BRAP: variants seen among roughly 807,000 people sequenced by gnomAD.
The protein encoded by BRAP is BRCA1-associated protein.
BRAP carries 42 observed loss-of-function variants against 73.4 expected under a neutral mutation model. The ratio of observed to expected loss-of-function variants is 0.57; its 90% CI spans 0.45 to 0.74. The LOEUF (loss-of-function observed/expected upper bound fraction) is 0.74. Ranked by LOEUF, BRAP falls within the 30% of genes least tolerant of loss-of-function variation. The pLI, the probability that BRAP is intolerant of heterozygous loss-of-function variation, is 0.00. For missense variants in BRAP, 593 were observed against 751.4 expected (o/e 0.79, Z 2.46); for synonymous variants, 255 against 267.4 (o/e 0.95, Z 0.45).
intron 1 of BRAP, 67 bp downstream of exon 1, chr12:111,685,644 T>C: frequency 6.6e-7 from 1 of 1,521,684 alleles, no homozygotes; most frequent in Non-Finnish European, 8.8e-7. Flanking sequence ...GGGCCAGTGC[T>C]TTGGGAAGGG....
intron 7 of BRAP, 29 bp from the exon 8 acceptor site, chr12:111,659,374 TTAAA>T: frequency 6.3e-7 from 1 of 1,595,806 alleles, no homozygotes; most frequent in Non-Finnish European, 8.6e-7. Flanking sequence ...TCTTAATTAG[TTAAA>T]TAAAAATAAA....
intron 3 of BRAP, among the ~76,000 whole-genome samples, chr12:111,680,744 G>C (rs1447951293): frequency 6.6e-6 from 1 of 151,862 alleles, no homozygotes; most frequent in Non-Finnish European, 1.5e-5. Flanking sequence ...AAACAAAATG[G>C]CTACCTGAAT....
chr12:111,652,796 C>T (rs1401645075), intron 10 of BRAP, among the ~76,000 whole-genome samples: 5 of 152,040 alleles, frequency 3.3e-5, no homozygotes, highest in Non-Finnish European at 4.4e-5. Flanking sequence ...CTGCAACTTC[C>T]GCCTCCCTGT....
chr12:111,683,204 C>T lies in BRAP; in HGVS notation c.186G>A (p.Gln62=), dbSNP rs1398741063. The T allele has an allele frequency of 6.2e-7, 1 of 1,614,088 alleles. No homozygotes were observed. The highest frequency in any genetic ancestry group is 8.5e-7 in the Non-Finnish European group (1 of 1,180,056). Residue 62 remains glutamine, a synonymous_variant, in exon 2 of 12, where the codon CAG becomes CAA. Transcript: ENST00000419234. ...SPGEKVAIIH[Q]HLGRREMTDV... is the part of the protein sequence containing the mutation. ...CTGTCATTTCTCGACGGCCGAGATG[C>T]TGATGGATAATCGCTACTTTCTCTC...
intron 5 of BRAP, among the ~76,000 whole-genome samples, chr12:111,670,987 C>A (rs1345349598): frequency 6.6e-6 from 1 of 151,940 alleles, no homozygotes; most frequent in Non-Finnish European, 1.5e-5. Context: ...ATAGTCCTAG[C>A]CACTTGGGAT....
chr12:111,684,221 G>A (rs542190883), intron 1 of BRAP, among the ~76,000 whole-genome samples: 3 of 152,136 alleles, frequency 2.0e-5, no homozygotes, highest in Admixed American at 6.6e-5. Flanking sequence ...CCACAGTGCC[G>A]AGCACACAGA....
At position 111,665,891 on chromosome 12, in the gene BRAP, G is replaced by T; in HGVS notation, c.748-104C>A. The stretch of plus-strand genomic sequence containing the variant: ...GGTCTCGCTCTCTGTCACCCACGCT[G>T]GAGCCCAGTGGCGCAATCATGGCTC... On this transcript the variant is annotated intron_variant, in intron 5 of 11. Transcript: ENST00000419234. The surrounding 1 kb of genome is among the most constrained non-coding windows in gnomAD (Gnocchi z 4.3). 1 of 1,449,316 alleles carries T rather than the reference G, an allele frequency of 6.9e-7. No individual in the cohort carries two copies. 89.8% of individuals were successfully genotyped at this position (1,449,316 alleles called of 1,614,324 possible). A position where few individuals can be genotyped will look rare whatever the true frequency, so the allele number is the denominator to read the frequency against.
At position 111,644,103 on chromosome 12, in the gene BRAP, A is replaced by G; in HGVS notation, c.*96T>C. On this transcript the variant is annotated 3_prime_UTR_variant, in exon 12 of 12. Transcript: ENST00000419234. Reference sequence around the variant, plus strand: ...CAACTGTGGCTTGATCCTCACTTGTACTTATTAGGGCCCACCCTCACATTT... The same window carrying G: ...CAACTGTGGCTTGATCCTCACTTGTGCTTATTAGGGCCCACCCTCACATTT... The G allele has an allele frequency of 6.7e-7, 1 of 1,490,214 alleles. No individual in the cohort carries two copies. The allele number at this position is 1,490,214 out of a possible 1,614,324, so 92.3% of individuals were successfully genotyped here.
At chr12:111,644,615 C>G in intron 11 of BRAP, 53 bp from the exon 12 acceptor site, 1 of 1,580,536 alleles carries the variant, frequency 6.3e-7, no homozygotes, top group East Asian at 2.2e-5. Flanking sequence ...CTGACACAGT[C>G]CCCTTTCTGC....
intron 5 of BRAP, among the ~76,000 whole-genome samples, chr12:111,667,806 AT>A (rs1374252550): frequency 2.0e-5 from 3 of 151,820 alleles, no homozygotes; most frequent in Admixed American, 2.0e-4. Context: ...TTCCAAAAAA[AT>A]GTTTGAAGAT....
At chr12:111,666,998 T>G (rs528736802) in intron 5 of BRAP, among the ~76,000 whole-genome samples, 9 of 152,324 alleles carry the variant, frequency 5.9e-5, no homozygotes, top group African/African-American at 2.2e-4. Context: ...TCTCCCAGCT[T>G]GACCTTAGGT....
chr12:111,645,570 G>A (rs1886080396), intron 11 of BRAP, among the ~76,000 whole-genome samples: 1 of 152,110 alleles, frequency 6.6e-6, no homozygotes, highest in South Asian at 2.1e-4. Context: ...TGACTTCATT[G>A]CATTTGCTGA....
Position 111,667,698 on chromosome 12 carries a change from C to CAAAAAAAAAAAAAAAAAAAAAAA in BRAP, c.748-1934_748-1912dup, listed in dbSNP as rs565349424. ...TGGGAGACAGAGTGAAACTCCGTCT[C>CAAAAAAAAAAAAAAAAAAAAAAA]AAAAAAAAAAAAAAAAAAAAAAAGC... On this transcript the variant is annotated intron_variant, in intron 5 of 11. Coordinates refer to ENST00000419234, the MANE Select transcript of BRAP (RefSeq NM_006768.5). Among the ~76,000 whole-genome samples the CAAAAAAAAAAAAAAAAAAAAAAA allele has an allele frequency of 1.8e-3, 39 of 21,272 alleles. 3 individuals carry two copies. Among genetic ancestry groups the CAAAAAAAAAAAAAAAAAAAAAAA allele is most frequent in the African/African-American group, 3.9e-3 (20 of 5,180 alleles). The allele number at this position is 21,272 out of a possible 152,430, so 14.0% of individuals were successfully genotyped here.
At chr12:111,652,696 G>T (rs1226953811) in intron 10 of BRAP, among the ~76,000 whole-genome samples, 5 of 152,076 alleles carry the variant, frequency 3.3e-5, no homozygotes, top group Non-Finnish European at 7.4e-5. Flanking sequence ...GGGCAACATA[G>T]TAAGATTCCC....
intron 5 of BRAP, among the ~76,000 whole-genome samples, chr12:111,666,955 T>C (rs142500729): frequency 7.2e-5 from 11 of 152,310 alleles, no homozygotes; most frequent in Non-Finnish European, 1.5e-4. Context: ...TTTATCGGTA[T>C]TTTAGTAAAG....
In BRAP at chr12:111,685,948, CACA is replaced by C. The variant is rs1473367493; in HGVS notation, c.-159_-157del. The C allele has an allele frequency of 4.8e-6, 2 of 420,550 alleles. No individual in the cohort carries two copies. The highest frequency in any genetic ancestry group is 8.2e-6 in the Non-Finnish European group (2 of 245,206). The allele number at this position is 420,550 out of a possible 1,614,324, so 26.1% of individuals were successfully genotyped here. Reference sequence around the variant, plus strand: ...CAGCTCCTCGAACAGCCCTCGGAGCCACAACAACCTCCACTTCCGCCTCCCGGC... The same window carrying C: ...CAGCTCCTCGAACAGCCCTCGGAGCCACAACCTCCACTTCCGCCTCCCGGC... On this transcript the variant is annotated 5_prime_UTR_variant, in exon 1 of 12. Transcript: ENST00000419234.
chr12:111,650,977 T>C (rs1282670350), intron 10 of BRAP, among the ~76,000 whole-genome samples: 1 of 152,076 alleles, frequency 6.6e-6, no homozygotes, highest in Non-Finnish European at 1.5e-5. Context: ...TCTGGCTAGG[T>C]AGATACTGGA....
At position 111,681,780 on chromosome 12, in the gene BRAP, C is replaced by A; in HGVS notation, c.300G>T (p.Ala100=). The change falls in exon 3 of 12, where the codon GCG becomes GCT. Residue 100 remains alanine (A), a synonymous_variant. Transcript: ENST00000419234. ...ERKSSEASPT[A]QRSKDHSKEC... is the part of the protein sequence containing the mutation. ...CCTTACTGTGATCTTTACTTCTTTG[C>A]GCAGTGGGGGAGGCTTCTGAAGACT... 3 of 1,613,926 alleles carry A rather than the reference C, an allele frequency of 1.9e-6. No homozygotes were observed. Among genetic ancestry groups the A allele is most frequent in the Non-Finnish European group, 2.5e-6 (3 of 1,179,956 alleles).
At chr12:111,651,415 G>A (rs1886318273) in intron 10 of BRAP, among the ~76,000 whole-genome samples, 1 of 151,674 alleles carries the variant, frequency 6.6e-6, no homozygotes, top group Admixed American at 6.6e-5. Context: ...GCAGGCGCCT[G>A]TAATCCCAGC....
Sources: allele counts gnomAD v4.1 joint callset (sites outside exome capture counted in the v4.1 genomes callset), GRCh38; gene constraint gnomAD v4.1.1; non-coding constraint Gnocchi (gnomAD v3.1); transcripts MANE v1.5; gene names NCBI Gene and HGNC (gene_info 2026-07-23, HGNC 2026-07-21).